PPEF1: variants seen among roughly 807,000 people sequenced by gnomAD.
PPEF1 encodes the protein serine/threonine-protein phosphatase with EF-hands 1.
A neutral mutation model predicts 53.3 loss-of-function variants in PPEF1; 12 were observed. That is an observed-to-expected ratio of 0.23 (90% CI 0.14 to 0.36). PPEF1 has a LOEUF of 0.36. PPEF1 is among the 10% of genes least tolerant of loss of function. The pLI is 1.00. For synonymous variants in PPEF1, 165 were observed against 176.7 expected, an observed-to-expected ratio of 0.93 and a Z score of 0.52; for missense variants, 334 against 490.4, an observed-to-expected ratio of 0.68 and a Z score of 3.01.
At chrX:18,797,029 A>C (rs964072011) in intron 10 of PPEF1, among the ~76,000 whole-genome samples, 2 of 111,457 alleles carry the variant, frequency 1.8e-5, no homozygotes, top group African/African-American at 6.5e-5. Context: ...CCCACTCCCC[A>C]AACAATAGAG....
At chrX:18,741,819 GT>G (rs1336681394) in intron 3 of PPEF1, among the ~76,000 whole-genome samples, 2 of 48,110 alleles carry the variant, frequency 4.2e-5, no homozygotes, top group African/African-American at 1.7e-4. Flanking sequence ...TGTTGTCGTT[GT>G]TGAGACAGAG....
At chrX:18,675,857 T>C (rs1056815513), upstream of PPEF1, 1 of 107,907 alleles carries the variant, frequency 9.3e-6, no homozygotes, top group African/African-American at 3.4e-5. Context: ...TCATCGTCAG[T>C]GTCATTTGCC....
At chrX:18,761,705 G>A in intron 6 of PPEF1, 129 bp downstream of exon 6, 2 of 442,082 alleles carry the variant, frequency 4.5e-6, no homozygotes, top group Middle Eastern at 1.3e-3. Context: ...TAACCAGGAG[G>A]CTCAAAGATT....
At chrX:18,820,670 C>A (rs778514800) in intron 13 of PPEF1, among the ~76,000 whole-genome samples, 1 of 110,378 alleles carries the variant, frequency 9.1e-6, no homozygotes, top group Non-Finnish European at 1.9e-5. Flanking sequence ...CAAGCGTGAG[C>A]CACCGCGCCT....
intron 1 of PPEF1, among the ~76,000 whole-genome samples, chrX:18,722,664 G>A (rs1265396126): frequency 8.9e-6 from 1 of 112,143 alleles, no homozygotes; most frequent in African/African-American, 3.2e-5. Context: ...GACTATTCCA[G>A]GCTCAGGAAA....
At position 18,728,751 on chromosome X, in the gene PPEF1, C is replaced by T. The variant is rs373185769; in HGVS notation, c.47-1430C>T. Among the ~76,000 whole-genome samples the T allele has an allele frequency of 8.1e-5, 9 of 111,459 alleles. No individual in the cohort carries two copies. In the East Asian group the frequency reaches 1.1e-3, roughly 14 times the overall value. Reference sequence around the variant, plus strand: ...AAGCTAATAAATTAACCTTGCGAGACGACCAGGTCCTGGGATATTCTGTGT... The same window carrying T: ...AAGCTAATAAATTAACCTTGCGAGATGACCAGGTCCTGGGATATTCTGTGT... On this transcript the variant is annotated intron_variant, in intron 1 of 15. Coordinates refer to ENST00000470157, the MANE Select transcript of PPEF1 (RefSeq NM_001377996.1).
Position 18,770,798 on chromosome X carries a change from G to A in PPEF1, c.559-8212G>A, listed in dbSNP as rs762074460. ...AATCTGTCATCGCAATAGAAAGTGT[G>A]TTTACCATTCAAACATAATAAATAT... is the stretch of plus-strand genomic sequence containing the variant. On this transcript the variant is annotated intron_variant, in intron 6 of 15. Coordinates refer to ENST00000470157, the MANE Select transcript of PPEF1 (RefSeq NM_001377996.1). Among the ~76,000 whole-genome samples the A allele has an allele frequency of 7.5e-4, 84 of 112,580 alleles. 1 individual carries two copies. Among genetic ancestry groups the A allele is most frequent in the Middle Eastern group, 4.6e-3 (1 of 216 alleles).
intron 10 of PPEF1, 35 bp from the exon 11 acceptor site, chrX:18,803,857 G>A: frequency 8.8e-7 from 1 of 1,132,200 alleles, no homozygotes; most frequent in Non-Finnish European, 1.2e-6. Context: ...ACTCTCACTT[G>A]TAAGTTACAG....
intron 10 of PPEF1, among the ~76,000 whole-genome samples, chrX:18,792,836 C>A (rs1214932719): frequency 9.0e-6 from 1 of 111,623 alleles, no homozygotes; most frequent in Non-Finnish European, 1.9e-5. Context: ...CTGAAAGGCC[C>A]TGTTATAGAA....
intron 3 of PPEF1, among the ~76,000 whole-genome samples, chrX:18,747,980 A>T (rs1440185042): frequency 8.9e-6 from 1 of 112,073 alleles, no homozygotes; most frequent in Non-Finnish European, 1.9e-5. Context: ...TCCAAGAACG[A>T]CTACCAAATT....
At chrX:18,739,904 G>T (rs2045103959) in intron 3 of PPEF1, among the ~76,000 whole-genome samples, 1 of 112,399 alleles carries the variant, frequency 8.9e-6, no homozygotes, top group South Asian at 3.6e-4. Flanking sequence ...AGCAGTGAGC[G>T]AGGCTCCGTG....
chrX:18,808,525 A>G (rs187936048), intron 12 of PPEF1, among the ~76,000 whole-genome samples: 1 of 99,085 alleles, frequency 1.0e-5, no homozygotes, highest in East Asian at 3.1e-4. Flanking sequence ...GCATTCCTAT[A>G]TATAAGGAAC....
chrX:18,737,280 C>T (rs753436212), intron 3 of PPEF1, among the ~76,000 whole-genome samples: 10 of 111,928 alleles, frequency 8.9e-5, no homozygotes, highest in African/African-American at 2.9e-4. Flanking sequence ...ATAAGTTTCC[C>T]TCTACACACT....
rs767199997 is a variant in PPEF1, at chrX:18,736,580, C to A, written c.235+2772C>A. Among the ~76,000 whole-genome samples, 20 of 111,811 alleles carry A rather than the reference C, an allele frequency of 1.8e-4. No individual in the cohort carries two copies. In the South Asian group the frequency reaches 7.5e-3, roughly 42 times the overall value. Reference sequence around the variant, plus strand: ...ATCAATGTTCATCAGGGATATTGGTCTAAAATTCTCTTTTTTTGTTGTGTC... The same window carrying A: ...ATCAATGTTCATCAGGGATATTGGTATAAAATTCTCTTTTTTTGTTGTGTC... On this transcript the variant is annotated intron_variant, in intron 3 of 15. Coordinates refer to ENST00000470157, the MANE Select transcript of PPEF1 (RefSeq NM_001377996.1).
chrX:18,818,059 G>T lies in PPEF1; in HGVS notation c.1415G>T (p.Ser472Ile). The T allele has an allele frequency of 1.7e-6, 2 of 1,201,859 alleles. No individual in the cohort carries two copies. Among genetic ancestry groups the T allele is most frequent in the Non-Finnish European group, 2.2e-6 (2 of 889,646 alleles). ...TGCAGAGTGGATACTATGGAAAACA[G>T]CGCCATCAAGATATTAAGAGAGAGA... The part of the protein sequence containing the change: ...LRQRVDTMEN[S>I]AIKILRERVI... The change falls in exon 13 of 16, where the codon AGC (serine) becomes ATC (isoleucine). Residue 472 changes from serine (S) to isoleucine (I), a missense_variant. Ser to Ile is a moderately radical substitution (Grantham distance 142). Coordinates refer to ENST00000470157, the MANE Select transcript of PPEF1 (RefSeq NM_001377996.1).
upstream of PPEF1, among the ~76,000 whole-genome samples, chrX:18,703,332 A>AT (rs2044126494): frequency 8.9e-6 from 1 of 111,876 alleles, no homozygotes; most frequent in African/African-American, 3.2e-5. Context: ...ATTATAGCCA[A>AT]TTTTTTCTAA....
chrX:18,770,048 T>G (rs1397038579), intron 6 of PPEF1, among the ~76,000 whole-genome samples: 1 of 111,957 alleles, frequency 8.9e-6, no homozygotes, highest in Non-Finnish European at 1.9e-5. Flanking sequence ...CTGGACTTTC[T>G]GTATCTGTCA....
intron 14 of PPEF1, 30 bp downstream of exon 14, chrX:18,824,116 T>C (rs746336995): frequency 1.3e-5 from 15 of 1,148,743 alleles, no homozygotes; most frequent in Middle Eastern, 2.4e-4. Context: ...AGCTAAAACC[T>C]AGCCAGGGTG....
upstream of PPEF1, among the ~76,000 whole-genome samples, chrX:18,675,630 G>T (rs1045278476): frequency 1.8e-4 from 20 of 112,561 alleles, no homozygotes; most frequent in South Asian, 3.6e-4. Flanking sequence ...TGTAGACGGG[G>T]CCACCCGTCT....
Sources: gnomAD v4.1 joint callset for allele counts (sites outside exome capture counted in the v4.1 genomes callset) on GRCh38, gnomAD v4.1.1 for gene constraint, MANE v1.5 for transcripts, NCBI Gene and HGNC (gene_info 2026-07-23, HGNC 2026-07-21) for gene names.